Variants in TSPAN32 observed in about 807,000 individuals in gnomAD.
TSPAN32 encodes the protein tetraspanin-32.
A neutral mutation model predicts 42.7 loss-of-function variants in TSPAN32; 47 were observed. The ratio of observed to expected loss-of-function variants is 1.10; its 90% CI spans 0.87 to 1.40. The LOEUF is 1.40. TSPAN32 is among the 40% of genes most tolerant of loss of function. The pLI is 0.00. For synonymous variants in TSPAN32, 175 were observed against 175.9 expected (o/e 0.99, Z 0.04); for missense variants, 469 against 424.1 (o/e 1.11, Z -0.93).
rs754985828 is a variant in TSPAN32, at chr11:2,308,775, C to T, written c.319C>T (p.Gln107Ter). 1 of 1,573,690 alleles carries T rather than the reference C, an allele frequency of 6.4e-7. No homozygotes were observed. Among genetic ancestry groups the T allele is most frequent in the Non-Finnish European group, 8.6e-7 (1 of 1,159,608 alleles). The change falls in exon 4 of 10, where the codon CAG becomes TAG. Residue 107 changes from glutamine (Q) to a stop codon, truncating the protein, a stop_gained. Transcript: ENST00000182290. LOFTEE classifies it high-confidence loss of function. ...CFSLAFCAQV[Q>*]VVFWRLHSPT... is the part of the protein sequence containing the mutation. ...CTCCCTGGCGTTCTGCGCACAGGTG[C>T]AGGTGGTGTTCTGGAGACTCCACAG...
chr11:2,303,904 G>T (rs1847914687), intron 2 of TSPAN32, among the ~76,000 whole-genome samples: 1 of 152,164 alleles, frequency 6.6e-6, no homozygotes, highest in Non-Finnish European at 1.5e-5. Flanking sequence ...AAAGAGGGAA[G>T]GAGGGGCAGT....
chr11:2,314,652 C>A, intron 6 of TSPAN32, 81 bp downstream of exon 6: 1 of 1,144,950 alleles, frequency 8.7e-7, no homozygotes, highest in Non-Finnish European at 1.3e-6. Context: ...GACCCAGGGC[C>A]ATCCTCCCAC....
intron 8 of TSPAN32, among the ~76,000 whole-genome samples, 190 bp downstream of exon 8, chr11:2,316,857 G>T (rs1848829469): frequency 6.6e-6 from 1 of 152,074 alleles, no homozygotes; most frequent in Admixed American, 6.5e-5. Context: ...CAGACCCAAT[G>T]CACCGCACCC....
rs953308447 is a variant in TSPAN32, at chr11:2,304,538, G to T, written c.279+334G>T. On this transcript the variant is annotated intron_variant, in intron 3 of 9. Transcript: ENST00000182290. This position sits in a 1 kb window ranked among gnomAD's most constrained non-coding sequence, Gnocchi z 4.8. Reference sequence around the variant, plus strand: ...GACGGCCCTCCTGACCCTGGGAGCTGTTTCCAAAGTCCCTGGGAGGGTCTG... The same window carrying T: ...GACGGCCCTCCTGACCCTGGGAGCTTTTTCCAAAGTCCCTGGGAGGGTCTG... Among the ~76,000 whole-genome samples, 6 of 139,020 alleles carry T rather than the reference G, an allele frequency of 4.3e-5. No homozygotes were observed. Among genetic ancestry groups the T allele is most frequent in the Non-Finnish European group, 9.3e-5 (6 of 64,306 alleles). The allele number at this position is 139,020 out of a possible 152,430, so 91.2% of individuals were successfully genotyped here.
chr11:2,310,407 C>G (rs923071825), intron 4 of TSPAN32, among the ~76,000 whole-genome samples: 1 of 152,192 alleles, frequency 6.6e-6, no homozygotes, highest in African/African-American at 2.4e-5. Context: ...GCAGCATCCC[C>G]CACACACATG....
At chr11:2,314,669 C>T (rs1589816487) in intron 6 of TSPAN32, 98 bp downstream of exon 6, 1 of 946,198 alleles carries the variant, frequency 1.1e-6, no homozygotes. Flanking sequence ...CCACCCCACC[C>T]CTTGGCCTCC....
intron 4 of TSPAN32, among the ~76,000 whole-genome samples, chr11:2,311,642 C>T (rs1408334289): frequency 1.3e-5 from 2 of 152,202 alleles, no homozygotes; most frequent in African/African-American, 4.8e-5. Context: ...CGTTCAGGAC[C>T]TGTCTGTACC....
chr11:2,302,888 C>A lies in TSPAN32; in HGVS notation c.111C>A (p.Phe37Leu). 1 of 1,613,694 alleles carries A rather than the reference C, an allele frequency of 6.2e-7. No homozygotes were observed. Among genetic ancestry groups the A allele is most frequent in the Non-Finnish European group, 8.5e-7 (1 of 1,179,852 alleles). ...CCACCATGGTGACTCTTACCTACTT[C>A]GGGGCCCACTTTGCTGTCATCCGCC... ...SVATMVTLTY[F>L]GAHFAVIRRA... The change falls in exon 2 of 10, where the codon TTC (phenylalanine) becomes TTA (leucine). Residue 37 changes from phenylalanine to leucine, a missense_variant. Coordinates refer to ENST00000182290, the MANE Select transcript of TSPAN32 (RefSeq NM_139022.3).
chr11:2,304,812 G>T lies in TSPAN32; in HGVS notation c.279+608G>T, dbSNP rs1847981590. Among the ~76,000 whole-genome samples the T allele has an allele frequency of 6.6e-6, 1 of 150,742 alleles. No individual in the cohort carries two copies. Among genetic ancestry groups the T allele is most frequent in the African/African-American group, 2.4e-5 (1 of 40,914 alleles). On this transcript the variant is annotated intron_variant, in intron 3 of 9. Transcript: ENST00000182290. The surrounding 1 kb of genome is among the most constrained non-coding windows in gnomAD (Gnocchi z 4.8). ...ACTCCTCCCCATGGGCTTCTGTCTT[G>T]GTCCCTGCCACTCGATGGTCATCGC... is the stretch of plus-strand genomic sequence containing the variant.
intron 3 of TSPAN32, among the ~76,000 whole-genome samples, chr11:2,308,212 G>A (rs552368885): frequency 6.6e-6 from 1 of 152,124 alleles, no homozygotes; most frequent in Non-Finnish European, 1.5e-5. Flanking sequence ...GGATGGGAAG[G>A]TGCTATGGAA....
In TSPAN32 at chr11:2,302,989, G is replaced by A. The variant is rs199999281; in HGVS notation, c.181+31G>A. ...TGAGGTCCAGGCCTGGCTGCATCGG[G>A]AGGGGCCTCGGGTGCAAGGGTGGCT... On this transcript the variant is annotated intron_variant, in intron 2 of 9. Coordinates refer to ENST00000182290, the MANE Select transcript of TSPAN32 (RefSeq NM_139022.3). The A allele has an allele frequency of 1.1e-4, 171 of 1,589,806 alleles. 1 individual carries two copies. In the East Asian group the frequency reaches 3.6e-3, roughly 34 times the overall value.
intron 8 of TSPAN32, 109 bp downstream of exon 8, chr11:2,316,776 G>A: frequency 1.6e-6 from 2 of 1,232,582 alleles, no homozygotes; most frequent in East Asian, 2.5e-5. Flanking sequence ...CAAGCCCCAG[G>A]CTGACACTGT....
intron 3 of TSPAN32, chr11:2,306,984 A>C: frequency 7.8e-6 from 1 of 128,042 alleles, no homozygotes; most frequent in Non-Finnish European, 1.7e-5. Context: ...AGAAAAGAGG[A>C]AAGAAGGTGA....
rs1407139268 is a variant in TSPAN32 at position 2,306,044 on chromosome 11, C to CTTTGTGTG, written c.279+1841_279+1842insTTGTGTGT. On this transcript the variant is annotated intron_variant, in intron 3 of 9. Transcript: ENST00000182290. ...CATGTGTGTGTGCGTGTGCAGGTGC[C>CTTTGTGTG]TCTGTGTGTGTGTGTGTGTGTGTGT... 1.2e-4 allele frequency among the ~76,000 whole-genome samples: 5 copies of CTTTGTGTG among 40,906 alleles called. No homozygotes were observed. The South Asian group carries it at 3.8e-3, about 31-fold the overall frequency. The allele number at this position is 40,906 out of a possible 152,430, so 26.8% of individuals were successfully genotyped here.
intron 6 of TSPAN32, 106 bp from the exon 7 acceptor site, chr11:2,316,123 G>A: frequency 6.6e-7 from 1 of 1,523,286 alleles, no homozygotes; most frequent in African/African-American, 1.4e-5. Flanking sequence ...CTGCTGCCCT[G>A]GCATTGGCCT....
chr11:2,308,193 A>T (rs7935483), intron 3 of TSPAN32, among the ~76,000 whole-genome samples: 11 of 152,052 alleles, frequency 7.2e-5, no homozygotes, highest in Middle Eastern at 6.3e-3. Flanking sequence ...CAAAAAGCGC[A>T]GGGGAAGGGG....
In TSPAN32 at chr11:2,313,873, C is replaced by A. The variant is rs1237825758; in HGVS notation, c.456+118C>A. Reference sequence around the variant, plus strand: ...GCCAGGCACCGAGGGGGTTCCAGGACACAGGCCAGAGTTGCCCCTCAGGGC... The same window carrying A: ...GCCAGGCACCGAGGGGGTTCCAGGAAACAGGCCAGAGTTGCCCCTCAGGGC... On this transcript the variant is annotated intron_variant, in intron 5 of 9. Transcript: ENST00000182290. This position sits in a 1 kb window ranked among gnomAD's most constrained non-coding sequence, Gnocchi z 9.1. The A allele has an allele frequency of 2.4e-6, 2 of 833,454 alleles. No homozygotes were observed. The highest frequency in any genetic ancestry group is 3.8e-6 in the Non-Finnish European group (2 of 529,486). 51.6% of individuals were successfully genotyped at this position (833,454 alleles called of 1,614,324 possible). A position where few individuals can be genotyped will look rare whatever the true frequency, so the allele number is the denominator to read the frequency against.
Position 2,304,533 on chromosome 11 carries a change from G to A in TSPAN32, c.279+329G>A, listed in dbSNP as rs1847958678. Among the ~76,000 whole-genome samples, 1 of 146,026 alleles carries A rather than the reference G, an allele frequency of 6.8e-6. No individual in the cohort carries two copies. Among genetic ancestry groups the A allele is most frequent in the South Asian group, 2.2e-4 (1 of 4,488 alleles). On this transcript the variant is annotated intron_variant, in intron 3 of 9. Coordinates refer to ENST00000182290, the MANE Select transcript of TSPAN32 (RefSeq NM_139022.3). The surrounding 1 kb of genome is among the most constrained non-coding windows in gnomAD (Gnocchi z 4.8). ...AGAGAGACGGCCCTCCTGACCCTGG[G>A]AGCTGTTTCCAAAGTCCCTGGGAGG...
chr11:2,313,376 G>T lies in TSPAN32; in HGVS notation c.355-278G>T, dbSNP rs1848582654. Among the ~76,000 whole-genome samples, 1 of 152,242 alleles carries T rather than the reference G, an allele frequency of 6.6e-6. No homozygotes were observed. Among genetic ancestry groups the T allele is most frequent in the South Asian group, 2.1e-4 (1 of 4,830 alleles). On this transcript the variant is annotated intron_variant, in intron 4 of 9. Coordinates refer to ENST00000182290, the MANE Select transcript of TSPAN32 (RefSeq NM_139022.3). The surrounding 1 kb of genome is among the most constrained non-coding windows in gnomAD (Gnocchi z 9.1). ...AGACCACAGCGGAGGCGGACGCAGA[G>T]CTTGGCCTCTGCTTTATCCTGCGGG...
Sources: allele counts gnomAD v4.1 joint callset (sites outside exome capture counted in the v4.1 genomes callset), GRCh38; gene constraint gnomAD v4.1.1; non-coding constraint Gnocchi (gnomAD v3.1); transcripts MANE v1.5; gene names NCBI Gene and HGNC (gene_info 2026-07-23, HGNC 2026-07-21).